CENPN: variants seen among roughly 807,000 people sequenced by gnomAD.
CENPN encodes the protein interphase centromere complex protein 32.
In CENPN, 36 loss-of-function variants were observed where a neutral mutation model predicts 48.6. The ratio of observed to expected loss-of-function variants is 0.74; its 90% confidence interval spans 0.57 to 0.98. The LOEUF (loss-of-function observed/expected upper bound fraction) is 0.98, where lower values mean the gene tolerates loss of function less well. CENPN is among the 50% of genes least tolerant of loss of function. The probability of loss-of-function intolerance (pLI) is 0.00; values close to 1 mark genes in which losing one functional copy is unlikely to be tolerated. For synonymous variants in CENPN, 166 were observed against 135.2 expected, an observed-to-expected ratio of 1.23 and a Z score of -1.58; for missense variants, 439 against 399.2, an observed-to-expected ratio of 1.10 and a Z score of -0.85.
chr16:81,011,832 GTC>G (rs1463566679), intron 1 of CENPN, 96 bp from the exon 2 acceptor site: 2 of 1,007,656 alleles, frequency 2.0e-6, no homozygotes, highest in African/African-American at 3.3e-5. Context: ...GTGAGACCCT[GTC>G]TCTATTTTTC....
chr16:81,024,637 TTAATA>T (rs1970377717), intron 7 of CENPN, 73 bp from the exon 8 acceptor site: 1 of 952,888 alleles, frequency 1.0e-6, no homozygotes, highest in African/African-American at 1.7e-5. Flanking sequence ...TTGACATACT[TTAATA>T]TACTAAAAAA....
Position 81,020,260 on chromosome 16 carries a change from C to T in CENPN, c.515C>T (p.Thr172Ile), listed in dbSNP as rs549623171. The T allele has an allele frequency of 1.1e-4, 174 of 1,611,206 alleles. 1 individual carries two copies. The South Asian group carries it at 1.8e-3, about 16-fold the overall frequency. Residue 172 changes from threonine to isoleucine, a missense_variant, in exon 6 of 11, where the codon ACA (threonine) becomes ATA (isoleucine). Physicochemically the swap from Thr to Ile is moderately conservative, Grantham distance 89. Transcript: ENST00000305850. ...FTSSSMLRRN[T>I]PLLGQALTIA... ...TCCTCCTCCATGCTGAGGCGCAATA[C>T]ACCGCTTCTGGGTCAGGTATGGAAA...
At chr16:81,011,185 C>T (rs1969725989) in intron 1 of CENPN, among the ~76,000 whole-genome samples, 1 of 152,190 alleles carries the variant, frequency 6.6e-6, no homozygotes, top group Non-Finnish European at 1.5e-5. Flanking sequence ...CATGCTGTTC[C>T]TTCTGCCTGG....
rs538467456 is a variant in CENPN, at chr16:81,015,606, G to A, written c.217+1425G>A. Among the ~76,000 whole-genome samples, 187 of 152,362 alleles carry A rather than the reference G, an allele frequency of 1.2e-3. 1 individual carries two copies. The highest frequency in any genetic ancestry group is 4.2e-3 in the African/African-American group (174 of 41,592). ...CAATTCAGCTATTGCTGAATTTGGA[G>A]CATCTGCCTCTGATTTAGTTTGTCT... On this transcript the variant is annotated intron_variant, in intron 3 of 10. Coordinates refer to ENST00000305850, the MANE Select transcript of CENPN (RefSeq NM_001100624.3).
downstream of CENPN, chr16:81,032,463 ACT>A (rs754238476): frequency 1.2e-5 from 14 of 1,155,284 alleles, 1 homozygote; most frequent in East Asian, 7.7e-5. Context: ...GGGAATCATC[ACT>A]CTGATGCCTC....
At chr16:81,015,848 A>C (rs577088426) in intron 3 of CENPN, among the ~76,000 whole-genome samples, 2 of 152,292 alleles carry the variant, frequency 1.3e-5, no homozygotes, top group African/African-American at 4.8e-5. Flanking sequence ...TCTACTAAAA[A>C]TACAAAAAAT....
At position 81,031,270 on chromosome 16, in the gene CENPN, T is replaced by C. The variant is rs916710774; in HGVS notation, c.*2619T>C. ...CTGGAAAATTTTATTTCACCAGCAC[T>C]ACAACTCCTCAACAGCACCAACCAA... On this transcript the variant is annotated 3_prime_UTR_variant, in exon 11 of 11. Coordinates refer to ENST00000305850, the MANE Select transcript of CENPN (RefSeq NM_001100624.3). 3 of 152,112 alleles carry C rather than the reference T, an allele frequency of 2.0e-5. No individual in the cohort carries two copies. Among genetic ancestry groups the C allele is most frequent in the Admixed American group, 6.6e-5 (1 of 15,262 alleles). 9.4% of individuals were successfully genotyped at this position (152,112 alleles called of 1,614,324 possible). A position where few individuals can be genotyped will look rare whatever the true frequency, so the allele number is the denominator to read the frequency against.
chr16:81,017,964 C>A, intron 5 of CENPN, 130 bp downstream of exon 5: 1 of 586,380 alleles, frequency 1.7e-6, no homozygotes, highest in African/African-American at 1.9e-5. Flanking sequence ...CGGTTCTACT[C>A]CATATCAGAA....
intron 1 of CENPN, 97 bp from the exon 2 acceptor site, chr16:81,011,833 T>C (rs1969751611): frequency 2.0e-6 from 2 of 1,011,216 alleles, no homozygotes; most frequent in Admixed American, 2.4e-5. Context: ...TGAGACCCTG[T>C]CTCTATTTTT....
intron 7 of CENPN, chr16:81,023,014 A>G (rs2151699524): frequency 2.4e-6 from 2 of 822,336 alleles, no homozygotes; most frequent in Middle Eastern, 4.0e-4. Flanking sequence ...TTGAAGCTAA[A>G]TATATTATTC....
At chr16:81,008,355 G>A (rs973381330) in intron 1 of CENPN, among the ~76,000 whole-genome samples, 1 of 151,946 alleles carries the variant, frequency 6.6e-6, no homozygotes, top group Non-Finnish European at 1.5e-5. Context: ...GGGTAGCCTC[G>A]TCTGTGGGTT....
intron 1 of CENPN, among the ~76,000 whole-genome samples, chr16:81,007,824 G>C (rs1969517517): frequency 6.6e-6 from 1 of 152,158 alleles, no homozygotes; most frequent in Admixed American, 6.5e-5. Flanking sequence ...TTTTAAAATG[G>C]GGCCAGGCGC....
chr16:81,019,277 C>T (rs934444992), intron 5 of CENPN, among the ~76,000 whole-genome samples: 2 of 151,920 alleles, frequency 1.3e-5, no homozygotes, highest in Non-Finnish European at 2.9e-5. Context: ...AATGCACTGA[C>T]ATGATCTCGG....
Position 81,017,817 on chromosome 16 carries a change from C to A in CENPN, c.337C>A (p.Gln113Lys). ...QFKNSFKKIL[Q>K]RALKNVTVSF... ...TAAAAATTCGTTCAAGAAAATTCTT[C>A]AGAGAGCATTAAAAAATGTAAGAAT... Residue 113 changes from glutamine (Q) to lysine (K), a missense_variant, in exon 5 of 11, where the codon CAG (glutamine) becomes AAG (lysine). Physicochemically the swap from Gln to Lys is moderately conservative, Grantham distance 53 (BLOSUM62 1). Transcript: ENST00000305850. 2 of 1,560,484 alleles carry A rather than the reference C, an allele frequency of 1.3e-6. No individual in the cohort carries two copies.
intron 1 of CENPN, among the ~76,000 whole-genome samples, chr16:81,007,998 T>G (rs896025452): frequency 1.3e-5 from 2 of 151,794 alleles, no homozygotes; most frequent in Admixed American, 1.3e-4. Context: ...TCCCAGCTAT[T>G]TGGGAGGCTG....
downstream of CENPN, chr16:81,032,757 T>C (rs943585098): frequency 3.4e-5 from 52 of 1,513,364 alleles, no homozygotes; most frequent in Admixed American, 3.9e-5. Context: ...TCTCCTGATA[T>C]ACAGCTAACT....
intron 3 of CENPN, 62 bp from the exon 4 acceptor site, chr16:81,017,264 A>G: frequency 9.4e-7 from 1 of 1,063,560 alleles, no homozygotes. Context: ...AGAAATATCT[A>G]TAAGCATATT....
chr16:81,015,027 T>C (rs1375720823), intron 3 of CENPN, among the ~76,000 whole-genome samples: 1 of 152,226 alleles, frequency 6.6e-6, no homozygotes, highest in African/African-American at 2.4e-5. Context: ...TAAGCTAAGA[T>C]ATATGAAGGT....
chr16:81,022,733 C>T, intron 7 of CENPN, 35 bp downstream of exon 7: 1 of 1,614,060 alleles, frequency 6.2e-7, no homozygotes, highest in Non-Finnish European at 8.5e-7. Context: ...AAAGGTAAAT[C>T]TTTATTTTCT....
Sources: gnomAD v4.1 joint callset for allele counts (sites outside exome capture counted in the v4.1 genomes callset) on GRCh38, gnomAD v4.1.1 for gene constraint, MANE v1.5 for transcripts, NCBI Gene and HGNC (gene_info 2026-07-23, HGNC 2026-07-21) for gene names.